The following MYO18A variants were observed in gnomAD, a reference collection of about 807,000 sequenced individuals.
The protein encoded by MYO18A is myosin XVIIIA, also known as unconventional myosin-XVIIIa.
Under a neutral mutation model 235.8 loss-of-function variants are expected in MYO18A, and 78 were observed. The ratio of observed to expected loss-of-function variants is 0.33; its 90% confidence interval spans 0.28 to 0.40. MYO18A has a LOEUF of 0.40. Ranked by LOEUF, MYO18A falls within the 10% of genes least tolerant of loss-of-function variation. The pLI is 1.00. For synonymous variants in MYO18A, 977 were observed against 1,077.8 expected, an observed-to-expected ratio of 0.91 and a Z score of 1.83; for missense variants, 2,215 against 2,699.3, an observed-to-expected ratio of 0.82 and a Z score of 3.98.
chr17:29,073,707 C>T lies in MYO18A; in HGVS notation c.*1063G>A, dbSNP rs540515503. 4.5e-6 allele frequency: 4 copies of T among 881,412 alleles called. No individual in the cohort carries two copies. In the East Asian group the frequency reaches 1.0e-4, roughly 22 times the overall value. The allele number at this position is 881,412 out of a possible 1,614,324, so 54.6% of individuals were successfully genotyped here. A position where few individuals can be genotyped will look rare whatever the true frequency, so the allele number is the denominator to read the frequency against. On this transcript the variant is annotated 3_prime_UTR_variant, in exon 42 of 42. Transcript: ENST00000527372. ...TTTTTAGGGTGGGGGCTGGGACCTCCAGACCACATGGTGTTGTGTCTGGGA... is the reference window on the plus strand; with the variant it reads ...TTTTTAGGGTGGGGGCTGGGACCTCTAGACCACATGGTGTTGTGTCTGGGA...
intron 18 of MYO18A, 60 bp from the exon 19 acceptor site, chr17:29,110,161 G>A (rs2066894111): frequency 2.5e-6 from 4 of 1,575,912 alleles, no homozygotes; most frequent in Admixed American, 3.4e-5. Flanking sequence ...AGAAGAGCAG[G>A]GACTGGTGCC....
At position 29,115,820 on chromosome 17, in the gene MYO18A, G is replaced by A. The variant is rs373984201; in HGVS notation, c.2071C>T (p.Arg691Cys). 1.1e-3 allele frequency: 1,810 copies of A among 1,583,816 alleles called. 35 individuals are homozygous for A. The South Asian group carries it at 0.019, about 17-fold the overall frequency. Residue 691 changes from arginine (R) to cysteine (C), a missense_variant, in exon 12 of 42, where the codon CGC becomes TGC. Arg to Cys is a radical substitution (Grantham distance 180). Transcript: ENST00000527372. Reference sequence around the variant, plus strand: ...GCAGCCTTCTGGGCCCACTCATGGCGGGCAAACTGCTTGCGCCCAGCTGTG... The same window carrying A: ...GCAGCCTTCTGGGCCCACTCATGGCAGGCAAACTGCTTGCGCCCAGCTGTG... ...AAEAGRKQFA[R>C]HEWAQKAAYL...
chr17:29,071,914 GC>G lies in MYO18A; in HGVS notation c.*2855del, dbSNP rs2065888113. The G allele has an allele frequency of 6.6e-6, 1 of 152,190 alleles. No homozygotes were observed. The highest frequency in any genetic ancestry group is 2.4e-5 in the African/African-American group (1 of 41,444). The allele number at this position is 152,190 out of a possible 1,614,324, so 9.4% of individuals were successfully genotyped here. A position where few individuals can be genotyped will look rare whatever the true frequency, so the allele number is the denominator to read the frequency against. On this transcript the variant is annotated 3_prime_UTR_variant, in exon 42 of 42. Coordinates refer to ENST00000527372, the MANE Select transcript of MYO18A (RefSeq NM_078471.4). ...ATCCATCACCAGCACCCAGAATGGG[GC>G]CTAGGCACAGCAGGCAGTCATGAAA...
At position 29,074,636 on chromosome 17, in the gene MYO18A, C is replaced by G. The variant is rs1247375079; in HGVS notation, c.*134G>C. 1 of 965,754 alleles carries G rather than the reference C, an allele frequency of 1.0e-6. No individual in the cohort carries two copies. Among genetic ancestry groups the G allele is most frequent in the East Asian group, 2.4e-5 (1 of 40,988 alleles). The allele number at this position is 965,754 out of a possible 1,614,324, so 59.8% of individuals were successfully genotyped here. A position where few individuals can be genotyped will look rare whatever the true frequency, so the allele number is the denominator to read the frequency against. On this transcript the variant is annotated 3_prime_UTR_variant, in exon 42 of 42. Coordinates refer to ENST00000527372, the MANE Select transcript of MYO18A (RefSeq NM_078471.4). The surrounding 1 kb of genome is among the most constrained non-coding windows in gnomAD (Gnocchi z 4.4). ...CCCATAGCCTGGAAAGTGCCCCTGACAGAAGAAGGTCAGGGTGTTTCCCAT... is the reference window on the plus strand; with the variant it reads ...CCCATAGCCTGGAAAGTGCCCCTGAGAGAAGAAGGTCAGGGTGTTTCCCAT...
chr17:29,079,875 G>A (rs1042470879), intron 41 of MYO18A: 11 of 985,844 alleles, frequency 1.1e-5, no homozygotes, highest in African/African-American at 1.7e-5. Context: ...CACTGGAGCA[G>A]CTGTGGCTGG....
intron 12 of MYO18A, 33 bp downstream of exon 12, chr17:29,115,631 A>C (rs1168646409): frequency 6.4e-7 from 1 of 1,558,462 alleles, no homozygotes; most frequent in Non-Finnish European, 8.7e-7. Flanking sequence ...GAGGCCTCAC[A>C]CTCACAACTA....
intron 15 of MYO18A, 144 bp from the exon 16 acceptor site, chr17:29,112,007 C>T: frequency 9.3e-7 from 1 of 1,074,610 alleles, no homozygotes; most frequent in Non-Finnish European, 1.3e-6. Context: ...CTGCCGCTCA[C>T]TGCTGACACC....
intron 14 of MYO18A, 124 bp from the exon 15 acceptor site, chr17:29,114,221 T>G (rs1312247963): frequency 1.5e-6 from 1 of 676,986 alleles, no homozygotes; most frequent in East Asian, 2.8e-5. Context: ...GTGCAGGAGC[T>G]CCCTCCATCA....
intron 40 of MYO18A, among the ~76,000 whole-genome samples, chr17:29,083,469 A>G (rs896318534): frequency 4.0e-5 from 6 of 148,340 alleles, no homozygotes; most frequent in Admixed American, 2.0e-4. Context: ...GTCAAGAGGA[A>G]TGGCTCCATT....
Position 29,110,026 on chromosome 17 carries a change from C to T in MYO18A, c.3163G>A (p.Ala1055Thr). Residue 1055 changes from alanine (A) to threonine (T), a missense_variant, in exon 19 of 42, where the codon GCT becomes ACT. Ala to Thr is a moderately conservative substitution (Grantham distance 58). Transcript: ENST00000527372. ...HCFLPVAEGW[A>T]GEPRSASSRR... ...GAGGAGGCGGAACGGGGCTCCCCAG[C>T]CCAGCCCTCAGCTACAGGCAGGAAG... 1 of 1,613,136 alleles carries T rather than the reference C, an allele frequency of 6.2e-7. No individual in the cohort carries two copies. The highest frequency in any genetic ancestry group is 1.1e-5 in the South Asian group (1 of 90,994).
In MYO18A at chr17:29,143,591, A is replaced by G. The variant is rs371928098; in HGVS notation, c.1000-21338T>C. On this transcript the variant is annotated intron_variant, in intron 2 of 41. Transcript: ENST00000527372. ...CTACCTATGATCATAAGCGGGGGAA[A>G]AAATGAGGCATTGTAAGCAAAATTT... Among the ~76,000 whole-genome samples, 424 of 152,314 alleles carry G rather than the reference A, an allele frequency of 2.8e-3. 2 individuals carry two copies. The highest frequency in any genetic ancestry group is 5.1e-3 in the Non-Finnish European group (347 of 68,016).
chr17:29,132,247 T>C (rs1037982336), intron 2 of MYO18A, among the ~76,000 whole-genome samples: 2 of 152,120 alleles, frequency 1.3e-5, no homozygotes, highest in African/African-American at 4.8e-5. Context: ...ATCACACATC[T>C]GGAAAAAGGG....
At chr17:29,178,747 G>T (rs764197034) in intron 1 of MYO18A, among the ~76,000 whole-genome samples, 18 of 152,164 alleles carry the variant, frequency 1.2e-4, no homozygotes, top group Non-Finnish European at 2.5e-4. Context: ...AAAGGGTGGG[G>T]AACATTAGGC....
In MYO18A at chr17:29,094,988, C is replaced by T. The variant is rs970263489; in HGVS notation, c.4457G>A (p.Arg1486Gln). The T allele has an allele frequency of 6.3e-6, 10 of 1,597,804 alleles. No homozygotes were observed. Among genetic ancestry groups the T allele is most frequent in the Admixed American group, 5.2e-5 (3 of 57,298 alleles). ...CTCAGCGAGGAGCATGTCCTTCTCC[C>T]GCTGCAGCTTCTCCCGCTGCAGCTT... ...REKLQREKLQ[R>Q]EKDMLLAEAF... The change falls in exon 29 of 42, where the codon CGG (arginine) becomes CAG (glutamine). Residue 1486 changes from arginine to glutamine, a missense_variant. Arg to Gln is a conservative substitution (Grantham distance 43, BLOSUM62 1). Coordinates refer to ENST00000527372, the MANE Select transcript of MYO18A (RefSeq NM_078471.4).
chr17:29,132,695 G>A (rs1461840776), intron 2 of MYO18A, among the ~76,000 whole-genome samples: 1 of 152,220 alleles, frequency 6.6e-6, no homozygotes, highest in Non-Finnish European at 1.5e-5. Context: ...TTTTAAAGCT[G>A]CATCTTGTCC....
At position 29,097,040 on chromosome 17, in the gene MYO18A, GA is replaced by G. The variant is rs967749652; in HGVS notation, c.4231-126del. 11 of 1,383,258 alleles carry G rather than the reference GA, an allele frequency of 8.0e-6. No homozygotes were observed. The African/African-American group carries it at 1.6e-4, about 20-fold the overall frequency. 85.7% of individuals were successfully genotyped at this position (1,383,258 alleles called of 1,614,324 possible). ...GCAGGAGGAAGTCGGGTCTCCCAGGGAACTGAAGAAGCTCTAATGATAGCTT... is the reference window on the plus strand; with the variant it reads ...GCAGGAGGAAGTCGGGTCTCCCAGGGACTGAAGAAGCTCTAATGATAGCTT... On this transcript the variant is annotated intron_variant, in intron 27 of 41. Coordinates refer to ENST00000527372, the MANE Select transcript of MYO18A (RefSeq NM_078471.4).
chr17:29,086,416 T>G (rs1242183785), intron 39 of MYO18A, 22 bp downstream of exon 39: 9 of 1,578,168 alleles, frequency 5.7e-6, no homozygotes, highest in Non-Finnish European at 7.7e-6. Flanking sequence ...TAGCTGCAGA[T>G]GCCCCAGAGG....
intron 2 of MYO18A, among the ~76,000 whole-genome samples, chr17:29,146,920 G>T (rs2067860226): frequency 6.6e-6 from 1 of 152,186 alleles, no homozygotes; most frequent in African/African-American, 2.4e-5. Context: ...AAAGCAAGGT[G>T]GGCAGTCAAA....
rs1266398339 is a variant in MYO18A at position 29,121,080 on chromosome 17, G to A, written c.1503C>T (p.Gly501=). Residue 501 remains glycine (G), a synonymous_variant, in exon 6 of 42, where the codon GGC becomes GGT. Coordinates refer to ENST00000527372, the MANE Select transcript of MYO18A (RefSeq NM_078471.4). This position sits in a 1 kb window ranked among gnomAD's most constrained non-coding sequence, Gnocchi z 4.2. ...DQSIILLGSS[G]SGKTTSCQHL... ...GCTGGCAGCTGGTGGTCTTGCCACT[G>A]CCACTACTGCCCAGGAGGATGATTG... The A allele has an allele frequency of 6.2e-7, 1 of 1,612,762 alleles. No homozygotes were observed. The highest frequency in any genetic ancestry group is 1.3e-5 in the African/African-American group (1 of 75,018).
Sources: gnomAD v4.1 joint callset for allele counts (sites outside exome capture counted in the v4.1 genomes callset) on GRCh38, gnomAD v4.1.1 for gene constraint, Gnocchi (gnomAD v3.1) non-coding constraint, MANE v1.5 for transcripts, NCBI Gene and HGNC (gene_info 2026-07-23, HGNC 2026-07-21) for gene names.